ARMCX4: variants seen among roughly 807,000 people sequenced by gnomAD.
ARMCX4 encodes armadillo repeat containing X-linked 4, also known as armadillo repeat-containing X-linked protein 4.
A neutral mutation model predicts 34.7 loss-of-function variants in ARMCX4; 3 were observed. The ratio of observed to expected loss-of-function variants is 0.09; its 90% CI spans 0.04 to 0.22. The LOEUF is 0.22. Among genes scored for constraint, ARMCX4 ranks in the 10% least tolerant of loss-of-function variants. The pLI is 1.00. For missense variants in ARMCX4, 1,448 were observed against 1,720.8 expected (o/e 0.84, Z 2.81); for synonymous variants, 513 against 632.8 (o/e 0.81, Z 2.84).
rs1556010180 is a variant in ARMCX4, at chrX:101,493,084, T to C, written c.4495T>C (p.Trp1499Arg). ...GLRDQSSGDS[W>R]AGTGDQASGW... Reference sequence around the variant, plus strand: ...TAGGGACCAGTCTAGTGGAGATTCCTGGGCTGGCACTGGGGACCAGGCCAG... The same window carrying C: ...TAGGGACCAGTCTAGTGGAGATTCCCGGGCTGGCACTGGGGACCAGGCCAG... Residue 1499 changes from tryptophan (W) to arginine (R), a missense_variant, in exon 6 of 6, where the codon TGG becomes CGG. By Grantham distance (101) the Trp-to-Arg change is moderately radical. Around this residue, in one of 2 missense-constraint regions of ARMCX4, gnomAD observed 1,343 missense variants for 1,540.7 expected, o/e 0.87. Transcript: ENST00000423738. 1 of 1,155,128 alleles carries C rather than the reference T, an allele frequency of 8.7e-7. No individual in the cohort carries two copies. The highest frequency in any genetic ancestry group is 2.6e-5 in the Admixed American group (1 of 38,769).
At chrX:101,453,875 G>A (rs901680450) in intron 4 of ARMCX4, among the ~76,000 whole-genome samples, 1 of 110,984 alleles carries the variant, frequency 9.0e-6, no homozygotes, top group Non-Finnish European at 1.9e-5. Flanking sequence ...GAATCAGAGA[G>A]GCAAGTACGA....
Position 101,512,404 on chromosome X carries a change from C to T in ARMCX4, c.*1780+1349C>T, listed in dbSNP as rs192718774. Among the ~76,000 whole-genome samples, 18 of 111,158 alleles carry T rather than the reference C, an allele frequency of 1.6e-4. No homozygotes were observed. In the Admixed American group the frequency reaches 1.6e-3, roughly 10 times the overall value. On this transcript the variant is annotated intron_variant and NMD_transcript_variant, in intron 11 of 12. Coordinates refer to the ARMCX4 transcript ENST00000354842. ...AAGAAAACAAAAATTTCAACTAATC[C>T]TTTTGTTCTTAGTCCAATGAGGACC...
intron 7 of ARMCX4, among the ~76,000 whole-genome samples, chrX:101,501,478 G>A: frequency 1.8e-5 from 2 of 112,667 alleles, no homozygotes. Context: ...ATAGGCAAAG[G>A]AGCCCTGAGT....
At chrX:101,512,858 A>ATGTG (rs782527991) in intron 11 of ARMCX4, among the ~76,000 whole-genome samples, 1 of 45,529 alleles carries the variant, frequency 2.2e-5, no homozygotes, top group African/African-American at 8.3e-5. Flanking sequence ...ATGTGTATAT[A>ATGTG]TGTATATATA....
intron 11 of ARMCX4, among the ~76,000 whole-genome samples, chrX:101,513,465 A>C (rs189791149): frequency 8.9e-6 from 1 of 112,146 alleles, no homozygotes; most frequent in African/African-American, 3.2e-5. Flanking sequence ...CAATGTTTAC[A>C]CTTCTCCTTG....
intron 11 of ARMCX4, among the ~76,000 whole-genome samples, chrX:101,523,003 A>G (rs984875455): frequency 2.7e-5 from 3 of 112,063 alleles, no homozygotes; most frequent in Non-Finnish European, 5.6e-5. Flanking sequence ...CCCTTCTGGG[A>G]TCACATACAA....
At chrX:101,425,479 C>T (rs1463334857) in intron 2 of ARMCX4, among the ~76,000 whole-genome samples, 6 of 107,875 alleles carry the variant, frequency 5.6e-5, no homozygotes, top group African/African-American at 1.4e-4. Flanking sequence ...CTGCAACTTC[C>T]GCCTCCCGGG....
At chrX:101,504,606 G>T (rs971686182) in intron 7 of ARMCX4, among the ~76,000 whole-genome samples, 3 of 110,852 alleles carry the variant, frequency 2.7e-5, no homozygotes, top group Non-Finnish European at 3.8e-5. Context: ...AGAGATAGCT[G>T]GTCTTATAGT....
chrX:101,471,410 C>G (rs966713306), intron 4 of ARMCX4, among the ~76,000 whole-genome samples: 2 of 112,164 alleles, frequency 1.8e-5, no homozygotes, highest in Admixed American at 9.5e-5. Flanking sequence ...AGCTATTCCC[C>G]AATTTTTTAT....
Position 101,486,043 on chromosome X carries a change from T to G in ARMCX4, c.-416T>G, listed in dbSNP as rs946743331. 3.6e-5 allele frequency: 4 copies of G among 111,528 alleles called. No individual in the cohort carries two copies. The highest frequency in any genetic ancestry group is 7.5e-5 in the Non-Finnish European group (4 of 53,213). 9.2% of individuals were successfully genotyped at this position (111,528 alleles called of 1,213,427 possible). A position where few individuals can be genotyped will look rare whatever the true frequency, so the allele number is the denominator to read the frequency against. ...GACAGTAGTTCGGTGTAGCACTGTT[T>G]GCGGCGAGGAGAAAGGAAGGAGAGG... is the stretch of plus-strand genomic sequence containing the variant. On this transcript the variant is annotated 5_prime_UTR_variant, in exon 2 of 6. Transcript: ENST00000423738.
chrX:101,488,578 A>G lies in ARMCX4; in HGVS notation c.-12A>G. On this transcript the variant is annotated 5_prime_UTR_variant, in exon 6 of 6. Transcript: ENST00000423738. ...ACCATACCTTGTTCGTGCTTTTAGC[A>G]GGGGTGATTACATGGGCCGCATTCA... The G allele has an allele frequency of 8.7e-7, 1 of 1,155,754 alleles. No individual in the cohort carries two copies. Among genetic ancestry groups the G allele is most frequent in the Non-Finnish European group, 1.1e-6 (1 of 872,996 alleles).
chrX:101,480,175 C>CACAT (rs1933386918), intron 4 of ARMCX4, among the ~76,000 whole-genome samples: 4 of 93,696 alleles, frequency 4.3e-5, no homozygotes, highest in Admixed American at 1.1e-4. Flanking sequence ...CACACACACA[C>CACAT]ATATATATGC....
chrX:101,535,218 A>G (rs1396306586), downstream of ARMCX4, among the ~76,000 whole-genome samples: 1 of 111,720 alleles, frequency 9.0e-6, no homozygotes, highest in Non-Finnish European at 1.9e-5. Flanking sequence ...AAAATGTTTT[A>G]TCATGAATAC....
At chrX:101,427,209 A>G (rs1426721856) in intron 2 of ARMCX4, among the ~76,000 whole-genome samples, 1 of 112,470 alleles carries the variant, frequency 8.9e-6, no homozygotes, top group Admixed American at 9.5e-5. Flanking sequence ...TTTAAAATCT[A>G]CTATAGCTAA....
intron 11 of ARMCX4, among the ~76,000 whole-genome samples, chrX:101,519,283 T>C (rs368733056): frequency 1.8e-5 from 2 of 111,370 alleles, no homozygotes. Flanking sequence ...GTTTATCTTG[T>C]ATCACTAAAA....
chrX:101,494,520 A>T lies in ARMCX4; in HGVS notation c.5931A>T (p.Ile1977=). ...AAAAGTCATCTGAGTCAAGAGGCAT[A>T]TATCCGTACATGGTCCCTGGGGCAG... ...KAKKSSESRG[I]YPYMVPGAGM... The change falls in exon 6 of 6, where the codon ATA becomes ATT. Residue 1977 remains isoleucine, a synonymous_variant. Coordinates refer to ENST00000423738, the MANE Select transcript of ARMCX4 (RefSeq NM_001256155.3). 1 of 1,155,630 alleles carries T rather than the reference A, an allele frequency of 8.7e-7. No individual in the cohort carries two copies. Among genetic ancestry groups the T allele is most frequent in the Non-Finnish European group, 1.1e-6 (1 of 872,812 alleles).
chrX:101,525,566 A>G (rs1934948964), intron 11 of ARMCX4, among the ~76,000 whole-genome samples: 1 of 111,502 alleles, frequency 9.0e-6, no homozygotes, highest in South Asian at 3.7e-4. Flanking sequence ...GAAGCTAAAA[A>G]CCTTGAAAAA....
At chrX:101,432,735 T>C (rs1555992457) in intron 2 of ARMCX4, among the ~76,000 whole-genome samples, 1 of 75,877 alleles carries the variant, frequency 1.3e-5, no homozygotes, top group African/African-American at 4.0e-5. Context: ...TATACACATA[T>C]ATACGTATAT....
At chrX:101,528,788 A>C (rs1248693532) in intron 11 of ARMCX4, among the ~76,000 whole-genome samples, 1 of 111,017 alleles carries the variant, frequency 9.0e-6, no homozygotes, top group Non-Finnish European at 1.9e-5. Flanking sequence ...GCTGTGAAGG[A>C]CCTCTTCAAG....
Sources: allele counts gnomAD v4.1 joint callset (sites outside exome capture counted in the v4.1 genomes callset), GRCh38; gene constraint gnomAD v4.1.1; regional missense constraint gnomAD v4.1.1; transcripts MANE v1.5; gene names NCBI Gene and HGNC (gene_info 2026-07-23, HGNC 2026-07-21).